The following NALF1 variants were observed in gnomAD, a reference collection of about 807,000 sequenced individuals.
NALF1 encodes NALCN channel auxiliary factor 1.
A neutral mutation model predicts 48.4 loss-of-function variants in NALF1; 3 were observed. The ratio of observed to expected loss-of-function variants is 0.06; its 90% CI spans 0.03 to 0.16. The LOEUF is 0.16. NALF1 is among the 10% of genes least tolerant of loss of function. NALF1 has a pLI of 1.00. For missense variants in NALF1, 526 were observed against 571.5 expected, an observed-to-expected ratio of 0.92 and a Z score of 0.81; for synonymous variants, 262 against 245.7, an observed-to-expected ratio of 1.07 and a Z score of -0.62.
At chr13:107,447,961 C>T (rs1884678268) in intron 1 of NALF1, among the ~76,000 whole-genome samples, 1 of 152,108 alleles carries the variant, frequency 6.6e-6, no homozygotes, top group Non-Finnish European at 1.5e-5. Context: ...TCTTCTGATC[C>T]ACTTCTTGGT....
intron 1 of NALF1, among the ~76,000 whole-genome samples, chr13:107,636,846 A>G (rs941690287): frequency 1.0e-4 from 15 of 150,106 alleles, no homozygotes; most frequent in African/African-American, 3.2e-4. Context: ...CATTGATTTA[A>G]TTTTGTTGTC....
chr13:107,541,387 T>C (rs566137741), intron 1 of NALF1, among the ~76,000 whole-genome samples: 9 of 152,178 alleles, frequency 5.9e-5, no homozygotes, highest in African/African-American at 2.2e-4. Flanking sequence ...ATTTGCTAGA[T>C]AAAAAGAAGG....
intron 1 of NALF1, among the ~76,000 whole-genome samples, chr13:107,862,224 T>C (rs1462868253): frequency 2.0e-5 from 3 of 152,182 alleles, no homozygotes; most frequent in African/African-American, 4.8e-5. Flanking sequence ...TAAAAGTTTA[T>C]ATCCCATAAA....
intron 1 of NALF1, among the ~76,000 whole-genome samples, chr13:107,753,760 C>G (rs558415485): frequency 2.0e-5 from 3 of 152,164 alleles, no homozygotes; most frequent in African/African-American, 7.2e-5. Flanking sequence ...AAGTTCTCAA[C>G]AGAATGCAAT....
rs58981652 is a variant in NALF1, at chr13:107,644,646, C to CATATATAT, written c.915+221028_915+221035dup. ...GTGTGTATACATACATACATACATA[C>CATATATAT]ATATATATATATATATATATGCTTT... On this transcript the variant is annotated intron_variant, in intron 1 of 2. Coordinates refer to ENST00000375915, the MANE Select transcript of NALF1 (RefSeq NM_001080396.3). 2.3e-3 allele frequency among the ~76,000 whole-genome samples: 246 copies of CATATATAT among 108,254 alleles called. 6 individuals carry two copies. Among genetic ancestry groups the CATATATAT allele is most frequent in the African/African-American group, 7.4e-3 (218 of 29,542 alleles). 71.0% of individuals were successfully genotyped at this position (108,254 alleles called of 152,430 possible). A position where few individuals can be genotyped will look rare whatever the true frequency, so the allele number is the denominator to read the frequency against.
intron 2 of NALF1, among the ~76,000 whole-genome samples, chr13:107,205,086 C>T (rs1346469480): frequency 3.3e-5 from 5 of 151,446 alleles, no homozygotes; most frequent in Non-Finnish European, 7.4e-5. Flanking sequence ...ACATGTGCCA[C>T]GCTGGTGGAG....
At chr13:107,556,025 T>C (rs1877463622) in intron 1 of NALF1, among the ~76,000 whole-genome samples, 2 of 152,100 alleles carry the variant, frequency 1.3e-5, no homozygotes, top group Admixed American at 6.5e-5. Context: ...AATCAATAAA[T>C]TTTATTTAAG....
chr13:107,234,327 C>T (rs553389260), intron 1 of NALF1, among the ~76,000 whole-genome samples: 2 of 152,330 alleles, frequency 1.3e-5, no homozygotes, highest in African/African-American at 2.4e-5. Context: ...TGCTCGGTGA[C>T]TTTGCCTGCT....
At chr13:107,698,965 G>A (rs1296850027) in intron 1 of NALF1, among the ~76,000 whole-genome samples, 1 of 152,034 alleles carries the variant, frequency 6.6e-6, no homozygotes, top group Non-Finnish European at 1.5e-5. Context: ...TTCATGAAGT[G>A]CAATTGCCTT....
At position 107,166,998 on chromosome 13, in the gene NALF1, G is replaced by A. The variant is rs1319569580; in HGVS notation, c.*3499C>T. ...ATACTATCTTTTTAATGCAAGAAAA[G>A]TTCAATATAACGTATCACCAAATGT... is the stretch of plus-strand genomic sequence containing the variant. On this transcript the variant is annotated 3_prime_UTR_variant, in exon 3 of 3. Transcript: ENST00000375915. 1 of 152,106 alleles carries A rather than the reference G, an allele frequency of 6.6e-6. No homozygotes were observed. The highest frequency in any genetic ancestry group is 2.4e-5 in the African/African-American group (1 of 41,418). 9.4% of individuals were successfully genotyped at this position (152,106 alleles called of 1,614,324 possible). A position where few individuals can be genotyped will look rare whatever the true frequency, so the allele number is the denominator to read the frequency against.
At chr13:107,727,222 T>C (rs767874721) in intron 1 of NALF1, among the ~76,000 whole-genome samples, 14 of 152,140 alleles carry the variant, frequency 9.2e-5, no homozygotes, top group Admixed American at 3.3e-4. Context: ...AAAAAAAATG[T>C]GATAATACAC....
intron 1 of NALF1, among the ~76,000 whole-genome samples, chr13:107,325,855 CATATATATATATATAT>C (rs1228535140): frequency 3.7e-5 from 2 of 54,028 alleles, no homozygotes; most frequent in South Asian, 2.2e-3. Context: ...CACACACACA[CATATATATATATATAT>C]ATATATATAT....
intron 1 of NALF1, among the ~76,000 whole-genome samples, chr13:107,842,714 G>A (rs1166575286): frequency 6.6e-6 from 1 of 151,614 alleles, no homozygotes; most frequent in East Asian, 1.9e-4. Flanking sequence ...TTTTTTAAAA[G>A]CTAATAAATC....
chr13:107,554,796 CAT>C (rs1459980513), intron 1 of NALF1, among the ~76,000 whole-genome samples: 1 of 152,138 alleles, frequency 6.6e-6, no homozygotes, highest in Non-Finnish European at 1.5e-5. Flanking sequence ...ACCACTGAAG[CAT>C]GATAAATATT....
chr13:107,468,426 A>C, intron 1 of NALF1, among the ~76,000 whole-genome samples: 1 of 152,242 alleles, frequency 6.6e-6, no homozygotes, highest in Admixed American at 6.5e-5. Flanking sequence ...ACATGGAAGA[A>C]TGAAAGGAAG....
intron 1 of NALF1, among the ~76,000 whole-genome samples, chr13:107,449,498 G>A (rs772355800): frequency 1.2e-4 from 19 of 152,068 alleles, no homozygotes; most frequent in Admixed American, 2.0e-4. Flanking sequence ...AAAGTGAGGC[G>A]TTTCAAGCAA....
intron 1 of NALF1, among the ~76,000 whole-genome samples, chr13:107,655,096 G>C (rs1431108992): frequency 6.6e-6 from 1 of 151,978 alleles, no homozygotes; most frequent in Non-Finnish European, 1.5e-5. Flanking sequence ...AACAAGACAA[G>C]GATGCCTACT....
At chr13:107,633,545 C>G (rs1055438383) in intron 1 of NALF1, among the ~76,000 whole-genome samples, 1 of 151,982 alleles carries the variant, frequency 6.6e-6, no homozygotes, top group Middle Eastern at 3.4e-3. Context: ...TTATTTACCT[C>G]CTACTCTGGT....
chr13:107,176,671 G>C (rs2806524), intron 2 of NALF1, among the ~76,000 whole-genome samples: 1 of 151,496 alleles, frequency 6.6e-6, no homozygotes, highest in African/African-American at 2.4e-5. Flanking sequence ...ATAATAATAC[G>C]CATAAATTGT....
Sources: gnomAD v4.1 joint callset for allele counts (sites outside exome capture counted in the v4.1 genomes callset) on GRCh38, gnomAD v4.1.1 for gene constraint, MANE v1.5 for transcripts, NCBI Gene and HGNC (gene_info 2026-07-23, HGNC 2026-07-21) for gene names.